The following PIP5K1B variants were observed in gnomAD, a reference collection of about 807,000 sequenced individuals.
The protein encoded by PIP5K1B is phosphatidylinositol 4-phosphate 5-kinase type-1 beta.
In PIP5K1B, 42 loss-of-function variants were observed where a neutral mutation model predicts 67.0. The ratio of observed to expected loss-of-function variants is 0.63; its 90% CI spans 0.49 to 0.81. PIP5K1B has a LOEUF of 0.81. Ranked by LOEUF, PIP5K1B falls within the 30% of genes least tolerant of loss-of-function variation. The probability of loss-of-function intolerance (pLI) is 0.00; values close to 1 mark genes in which losing one functional copy is unlikely to be tolerated. For synonymous variants in PIP5K1B, 214 were observed against 231.4 expected (o/e 0.92, Z 0.68); for missense variants, 459 against 646.3 (o/e 0.71, Z 3.14).
chr9:68,831,509 C>T (rs1042911530), intron 4 of PIP5K1B, among the ~76,000 whole-genome samples: 3 of 152,130 alleles, frequency 2.0e-5, no homozygotes, highest in Non-Finnish European at 2.9e-5. Flanking sequence ...AACTGCCTTT[C>T]TTCAGGATCT....
At chr9:68,925,155 C>T (rs1055321386) in intron 12 of PIP5K1B, among the ~76,000 whole-genome samples, 9 of 151,872 alleles carry the variant, frequency 5.9e-5, no homozygotes, top group African/African-American at 2.2e-4. Flanking sequence ...TCTATTTAAC[C>T]ATTCTTTCAG....
intron 4 of PIP5K1B, among the ~76,000 whole-genome samples, chr9:68,844,669 T>G (rs1357217870): frequency 6.6e-6 from 1 of 152,170 alleles, no homozygotes; most frequent in Non-Finnish European, 1.5e-5. Context: ...ACACCAACTT[T>G]TATGACCTGG....
At chr9:68,893,843 C>T (rs1824943423) in intron 7 of PIP5K1B, among the ~76,000 whole-genome samples, 1 of 152,178 alleles carries the variant, frequency 6.6e-6, no homozygotes, top group Non-Finnish European at 1.5e-5. Context: ...CTATTTTTCA[C>T]TAATCATGCT....
intron 8 of PIP5K1B, among the ~76,000 whole-genome samples, chr9:68,905,416 T>C (rs553067371): frequency 6.6e-6 from 1 of 150,946 alleles, no homozygotes; most frequent in African/African-American, 2.5e-5. Context: ...AGGGCAGAGT[T>C]GCCAACAGCC....
intron 1 of PIP5K1B, among the ~76,000 whole-genome samples, chr9:68,715,210 C>T (rs1210921238): frequency 6.6e-6 from 1 of 152,192 alleles, no homozygotes; most frequent in Non-Finnish European, 1.5e-5. Context: ...GAAAAACTTC[C>T]TGACCAAGGA....
chr9:68,990,236 A>G (rs1322557267), intron 14 of PIP5K1B, among the ~76,000 whole-genome samples: 1 of 152,174 alleles, frequency 6.6e-6, no homozygotes, highest in Non-Finnish European at 1.5e-5. Flanking sequence ...CAGCGTTAGC[A>G]TCACCTGGGA....
rs1342794118 is a variant in PIP5K1B at position 68,991,214 on chromosome 9, T to C, written c.1577T>C (p.Leu526Pro). Residue 526 changes from leucine (L) to proline (P), a missense_variant, in exon 15 of 16, where the codon CTG becomes CCG. Coordinates refer to ENST00000265382, the MANE Select transcript of PIP5K1B (RefSeq NM_003558.4). Reference sequence around the variant, plus strand: ...TACTTGACCGCTGAGCCCAACACTCTGGAAGTGCAGGATGACAATGCTTCT... The same window carrying C: ...TACTTGACCGCTGAGCCCAACACTCCGGAAGTGCAGGATGACAATGCTTCT... The part of the protein sequence containing the change: ...TIYLTAEPNT[L>P]EVQDDNASVL... 6.2e-7 allele frequency: 1 copy of C among 1,611,670 alleles called. No homozygotes were observed. Among genetic ancestry groups the C allele is most frequent in the Non-Finnish European group, 8.5e-7 (1 of 1,177,694 alleles).
chr9:68,913,009 G>T (rs911679935), intron 8 of PIP5K1B, among the ~76,000 whole-genome samples: 3 of 152,192 alleles, frequency 2.0e-5, no homozygotes, highest in African/African-American at 4.8e-5. Context: ...GTTTTTGATT[G>T]TGTCTTCAGG....
intron 14 of PIP5K1B, among the ~76,000 whole-genome samples, chr9:68,959,704 T>C (rs1296763959): frequency 1.3e-5 from 2 of 152,254 alleles, no homozygotes; most frequent in African/African-American, 4.8e-5. Flanking sequence ...TTCGCAACTG[T>C]GCCCTGTTGT....
At chr9:68,947,302 G>A (rs1320118819) in intron 14 of PIP5K1B, among the ~76,000 whole-genome samples, 2 of 152,196 alleles carry the variant, frequency 1.3e-5, no homozygotes, top group Non-Finnish European at 2.9e-5. Context: ...AGGGACAGTG[G>A]CGGAGGATGC....
intron 14 of PIP5K1B, among the ~76,000 whole-genome samples, chr9:68,987,809 A>G (rs1445423666): frequency 1.3e-5 from 2 of 152,162 alleles, no homozygotes; most frequent in African/African-American, 2.4e-5. Context: ...ATAAAACATC[A>G]TAACTCATGA....
At chr9:68,972,310 T>G (rs1345672467) in intron 14 of PIP5K1B, among the ~76,000 whole-genome samples, 1 of 152,182 alleles carries the variant, frequency 6.6e-6, no homozygotes, top group Non-Finnish European at 1.5e-5. Flanking sequence ...TGTGTGGTGT[T>G]GTTTCTGAGG....
intron 2 of PIP5K1B, among the ~76,000 whole-genome samples, chr9:68,799,189 C>T (rs922602972): frequency 1.3e-5 from 2 of 152,174 alleles, no homozygotes; most frequent in African/African-American, 4.8e-5. Context: ...GAGATAAGCA[C>T]ACCTTCCATC....
Position 68,818,493 on chromosome 9 carries a change from G to C in PIP5K1B, c.-53G>C, listed in dbSNP as rs1833565167. 6.6e-6 allele frequency: 1 copy of C among 152,588 alleles called. No homozygotes were observed. The highest frequency in any genetic ancestry group is 2.1e-4 in the South Asian group (1 of 4,836). The allele number at this position is 152,588 out of a possible 1,614,324, so 9.5% of individuals were successfully genotyped here. On this transcript the variant is annotated 5_prime_UTR_variant, in exon 3 of 16. Coordinates refer to ENST00000265382, the MANE Select transcript of PIP5K1B (RefSeq NM_003558.4). ...GCAAAGAAAACGGTCTCGACAATGA[G>C]TAGGCCACCCATCACTACTAACTAC...
chr9:68,756,635 T>C (rs1423821223), intron 2 of PIP5K1B, among the ~76,000 whole-genome samples: 1 of 152,354 alleles, frequency 6.6e-6, no homozygotes, highest in East Asian at 1.9e-4. Context: ...CTTCTCTCTA[T>C]ATGTTTTCTC....
intron 2 of PIP5K1B, chr9:68,781,305 C>G: frequency 3.2e-6 from 1 of 314,358 alleles, no homozygotes; most frequent in Non-Finnish European, 6.1e-6. Context: ...TATGTTATCC[C>G]TTGATTTTTT....
intron 9 of PIP5K1B, 48 bp from the exon 10 acceptor site, chr9:68,919,431 A>G (rs1826256690): frequency 2.2e-6 from 2 of 912,136 alleles, no homozygotes; most frequent in Admixed American, 4.9e-5. Flanking sequence ...TTAACTTCCT[A>G]TTCTTATAAT....
intron 2 of PIP5K1B, among the ~76,000 whole-genome samples, chr9:68,777,896 C>T (rs966177988): frequency 6.6e-6 from 1 of 152,228 alleles, no homozygotes; most frequent in Non-Finnish European, 1.5e-5. Flanking sequence ...CTCCTCTCTC[C>T]TGTTTTTATT....
intron 1 of PIP5K1B, among the ~76,000 whole-genome samples, chr9:68,717,463 G>A (rs1827687892): frequency 6.6e-6 from 1 of 152,120 alleles, no homozygotes; most frequent in Admixed American, 6.5e-5. Context: ...CAAAAACTGG[G>A]TGGTTCATAA....
Sources: allele counts gnomAD v4.1 joint callset (sites outside exome capture counted in the v4.1 genomes callset), GRCh38; gene constraint gnomAD v4.1.1; transcripts MANE v1.5; gene names NCBI Gene and HGNC (gene_info 2026-07-23, HGNC 2026-07-21).